MVB12B: variants seen among roughly 807,000 people sequenced by gnomAD.
MVB12B encodes the protein ESCRT-I complex subunit MVB12B.
MVB12B carries 16 observed loss-of-function variants against 41.6 expected under a neutral mutation model. The ratio of observed to expected loss-of-function variants is 0.38; its 90% CI spans 0.26 to 0.58. The LOEUF (loss-of-function observed/expected upper bound fraction) is 0.58, where lower values mean the gene tolerates loss of function less well. Ranked by LOEUF, MVB12B falls within the 20% of genes least tolerant of loss-of-function variation. MVB12B has a pLI of 0.62. For synonymous variants in MVB12B, 133 were observed against 139.7 expected, an observed-to-expected ratio of 0.95 and a Z score of 0.34; for missense variants, 274 against 380.2, an observed-to-expected ratio of 0.72 and a Z score of 2.32.
intron 7 of MVB12B, among the ~76,000 whole-genome samples, chr9:126,433,104 C>A (rs1195295642): frequency 2.0e-5 from 3 of 151,992 alleles, no homozygotes; most frequent in East Asian, 3.9e-4. Context: ...AGTTAAATGA[C>A]CTTGGGCAAG....
chr9:126,370,308 T>C (rs1405149939), intron 2 of MVB12B, among the ~76,000 whole-genome samples: 1 of 152,112 alleles, frequency 6.6e-6, no homozygotes, highest in East Asian at 1.9e-4. Flanking sequence ...GGTCAGTGAT[T>C]TGCTGTGAAT....
chr9:126,428,938 C>T (rs749688023), intron 7 of MVB12B, among the ~76,000 whole-genome samples: 2 of 152,078 alleles, frequency 1.3e-5, no homozygotes, highest in Non-Finnish European at 2.9e-5. Context: ...ACCCTGGCTT[C>T]CCTGAGGTTC....
chr9:126,435,674 A>AC (rs1832455093), intron 7 of MVB12B, among the ~76,000 whole-genome samples: 1 of 151,554 alleles, frequency 6.6e-6, no homozygotes, highest in Non-Finnish European at 1.5e-5. Context: ...AAAAAAAAAA[A>AC]AGTTTCTTTC....
rs896126899 is a variant in MVB12B, at chr9:126,450,090, G to A, written c.757+28142G>A. 8.5e-5 allele frequency among the ~76,000 whole-genome samples: 13 copies of A among 152,338 alleles called. No homozygotes were observed. The South Asian group carries it at 1.4e-3, about 17-fold the overall frequency. ...CTCACATCTAACATCAGAGTTAACC[G>A]TGAGAGCTCTGCAGTCAAGTTCATG... is the stretch of plus-strand genomic sequence containing the variant. On this transcript the variant is annotated intron_variant, in intron 7 of 9. Coordinates refer to ENST00000361171, the MANE Select transcript of MVB12B (RefSeq NM_033446.3).
At position 126,392,897 on chromosome 9, in the gene MVB12B, G is replaced by A. The variant is rs1408972232; in HGVS notation, c.539+702G>A. ...CCAGGGACAATGTTGGGACAAGGGCGAGGGTTGGCAGGACCTCCTAGGACA... is the reference window on the plus strand; with the variant it reads ...CCAGGGACAATGTTGGGACAAGGGCAAGGGTTGGCAGGACCTCCTAGGACA... On this transcript the variant is annotated intron_variant, in intron 5 of 9. Transcript: ENST00000361171. This position sits in a 1 kb window ranked among gnomAD's most constrained non-coding sequence, Gnocchi z 4.8. 1.3e-5 allele frequency among the ~76,000 whole-genome samples: 2 copies of A among 152,246 alleles called. No homozygotes were observed. The highest frequency in any genetic ancestry group is 2.9e-5 in the Non-Finnish European group (2 of 68,048).
chr9:126,392,327 G>T lies in MVB12B; in HGVS notation c.539+132G>T, dbSNP rs1037248099. The T allele has an allele frequency of 2.9e-6, 3 of 1,041,192 alleles. No homozygotes were observed. The highest frequency in any genetic ancestry group is 4.2e-6 in the Non-Finnish European group (3 of 708,964). 64.5% of individuals were successfully genotyped at this position (1,041,192 alleles called of 1,614,324 possible). Reference sequence around the variant, plus strand: ...AGCCATGGGCCTCTGTCAGCCCAGTGCTCCTCGCTGCCCTTCCTGCTCAGC... The same window carrying T: ...AGCCATGGGCCTCTGTCAGCCCAGTTCTCCTCGCTGCCCTTCCTGCTCAGC... On this transcript the variant is annotated intron_variant, in intron 5 of 9. Transcript: ENST00000361171. This position sits in a 1 kb window ranked among gnomAD's most constrained non-coding sequence, Gnocchi z 4.8.
At chr9:126,454,059 A>G (rs1211152224) in intron 7 of MVB12B, among the ~76,000 whole-genome samples, 1 of 152,248 alleles carries the variant, frequency 6.6e-6, no homozygotes, top group Non-Finnish European at 1.5e-5. Context: ...CAGTGCCACC[A>G]CCACCTGCTA....
In MVB12B at chr9:126,392,543, G is replaced by C. The variant is rs1446070489; in HGVS notation, c.539+348G>C. Among the ~76,000 whole-genome samples, 1 of 152,196 alleles carries C rather than the reference G, an allele frequency of 6.6e-6. No individual in the cohort carries two copies. The highest frequency in any genetic ancestry group is 1.5e-5 in the Non-Finnish European group (1 of 68,038). The stretch of plus-strand genomic sequence containing the variant: ...CACAGGGACCTATTTTGTACCACGG[G>C]GCCAAGGCCACTGGATGTGGATATA... On this transcript the variant is annotated intron_variant, in intron 5 of 9. Transcript: ENST00000361171. The surrounding 1 kb of genome is among the most constrained non-coding windows in gnomAD (Gnocchi z 4.8).
At chr9:126,401,631 C>T (rs1051206586) in intron 6 of MVB12B, among the ~76,000 whole-genome samples, 5 of 152,218 alleles carry the variant, frequency 3.3e-5, no homozygotes, top group Admixed American at 2.6e-4. Flanking sequence ...AGGTTAATGG[C>T]CCTTCCTAGA....
At chr9:126,373,096 G>A (rs1012545040) in intron 2 of MVB12B, among the ~76,000 whole-genome samples, 3 of 152,164 alleles carry the variant, frequency 2.0e-5, no homozygotes, top group Non-Finnish European at 4.4e-5. Flanking sequence ...TGAGGCAGAT[G>A]CATTTGTCTC....
At chr9:126,451,166 ACCACTG>A (rs1832881096) in intron 7 of MVB12B, among the ~76,000 whole-genome samples, 1 of 152,094 alleles carries the variant, frequency 6.6e-6, no homozygotes. Context: ...CTTTCACACC[ACCACTG>A]CCATAGGGAG....
At chr9:126,360,244 G>A (rs577544308) in intron 2 of MVB12B, among the ~76,000 whole-genome samples, 2 of 152,044 alleles carry the variant, frequency 1.3e-5, no homozygotes, top group African/African-American at 4.8e-5. Flanking sequence ...ATATGTTTCT[G>A]TTACTAAGAA....
At chr9:126,371,328 G>A (rs992151628) in intron 2 of MVB12B, among the ~76,000 whole-genome samples, 3 of 152,252 alleles carry the variant, frequency 2.0e-5, no homozygotes, top group Admixed American at 2.0e-4. Flanking sequence ...GGAACAGGGA[G>A]GACGTACCTG....
At chr9:126,440,853 G>A (rs1014185370) in intron 7 of MVB12B, among the ~76,000 whole-genome samples, 6 of 152,188 alleles carry the variant, frequency 3.9e-5, no homozygotes, top group Admixed American at 2.0e-4. Context: ...GGCACAGCCC[G>A]TGCATGCACA....
chr9:126,482,521 C>T (rs1446887027), intron 8 of MVB12B, among the ~76,000 whole-genome samples: 1 of 152,080 alleles, frequency 6.6e-6, no homozygotes, highest in Admixed American at 6.5e-5. Flanking sequence ...GTTGCCATGG[C>T]GACGCTGGCG....
rs750379679 is a variant in MVB12B at position 126,503,254 on chromosome 9, G to T, written c.951G>T (p.Pro317=). ...PPSPTRCQQI[P]QS ...GCCCCACCAGGTGTCAGCAGATCCC[G>T]CAGTCCTGAGGAGCCAGCGGCCACC... is the stretch of plus-strand genomic sequence containing the variant. The change falls in exon 10 of 10, where the codon CCG becomes CCT. Residue 317 remains proline (P), a synonymous_variant. Transcript: ENST00000361171. The T allele has an allele frequency of 2.6e-6, 4 of 1,550,186 alleles. No homozygotes were observed. Among genetic ancestry groups the T allele is most frequent in the Non-Finnish European group, 3.5e-6 (4 of 1,146,792 alleles).
intron 2 of MVB12B, among the ~76,000 whole-genome samples, chr9:126,347,428 A>T (rs994783948): frequency 6.6e-6 from 1 of 152,174 alleles, no homozygotes; most frequent in African/African-American, 2.4e-5. Flanking sequence ...AACCTTTTTT[A>T]AAAAAACAAC....
chr9:126,390,724 G>A (rs761563271), intron 4 of MVB12B, among the ~76,000 whole-genome samples: 157 of 152,296 alleles, frequency 1.0e-3, no homozygotes, highest in Non-Finnish European at 2.1e-3. Context: ...ACTTTGGGAG[G>A]CCAAGGAGGG....
intron 9 of MVB12B, among the ~76,000 whole-genome samples, chr9:126,497,785 G>A (rs1833869010): frequency 6.6e-6 from 1 of 152,228 alleles, no homozygotes; most frequent in Non-Finnish European, 1.5e-5. Context: ...CTAGAACCAT[G>A]GCCCAAGTAG....
Sources: gnomAD v4.1 joint callset for allele counts (sites outside exome capture counted in the v4.1 genomes callset) on GRCh38, gnomAD v4.1.1 for gene constraint, Gnocchi (gnomAD v3.1) non-coding constraint, MANE v1.5 for transcripts, NCBI Gene and HGNC (gene_info 2026-07-23, HGNC 2026-07-21) for gene names.